Variants in HEMK2 observed in about 807,000 individuals in gnomAD.
HEMK2 encodes the protein HemK methyltransferase 2, ETF1 glutamine and histone H4 lysine.
At chr21:28,607,119 ATTGT>A in the HEMK2 span, among the ~76,000 whole-genome samples, 1 of 152,106 alleles carries the variant, frequency 6.6e-6, no homozygotes, top group East Asian at 1.9e-4. Context: ...TGGTAAAAAC[ATTGT>A]TTGAGGGCCG....
chr21:28,866,434 G>GT, the HEMK2 span, among the ~76,000 whole-genome samples: 3 of 102,630 alleles, frequency 2.9e-5, no homozygotes, highest in Non-Finnish European at 4.1e-5. Context: ...TGGTAACAGA[G>GT]TGAGACTCCA....
the HEMK2 span, among the ~76,000 whole-genome samples, chr21:28,577,639 G>C: frequency 6.6e-5 from 10 of 151,972 alleles, no homozygotes; most frequent in Non-Finnish European, 1.2e-4. Context: ...ATAAAATGCA[G>C]GTTTCCCAGC....
At chr21:28,832,458 A>G in the HEMK2 span, among the ~76,000 whole-genome samples, 252 of 152,312 alleles carry the variant, frequency 1.7e-3, no homozygotes, top group Non-Finnish European at 3.0e-3. Context: ...AAAAATGTTG[A>G]AATACTTTAA....
chr21:28,648,868 T>C, the HEMK2 span, among the ~76,000 whole-genome samples: 1 of 152,116 alleles, frequency 6.6e-6, no homozygotes, highest in Non-Finnish European at 1.5e-5. Context: ...ATGTGCCATG[T>C]TGGTGTGCTG....
the HEMK2 span, among the ~76,000 whole-genome samples, chr21:28,869,125 T>A: frequency 6.6e-6 from 1 of 152,230 alleles, no homozygotes; most frequent in Non-Finnish European, 1.5e-5. Flanking sequence ...GTTTTTTGTA[T>A]ACAGACCATG....
the HEMK2 span, among the ~76,000 whole-genome samples, chr21:28,749,496 T>C: frequency 2.0e-5 from 3 of 152,150 alleles, no homozygotes; most frequent in African/African-American, 4.8e-5. Flanking sequence ...AGTATAAACT[T>C]GTTTTCTGCC....
chr21:28,746,449 G>C, the HEMK2 span, among the ~76,000 whole-genome samples: 2 of 152,200 alleles, frequency 1.3e-5, no homozygotes, highest in Non-Finnish European at 1.5e-5. Flanking sequence ...AGAATGCAGA[G>C]ATCAGTAGGA....
the HEMK2 span, among the ~76,000 whole-genome samples, chr21:28,622,463 GA>G: frequency 6.6e-6 from 1 of 152,106 alleles, no homozygotes; most frequent in South Asian, 2.1e-4. Context: ...TTTCTTCACA[GA>G]ATTAGAAGAA....
chr21:28,648,541 T>C, the HEMK2 span, among the ~76,000 whole-genome samples: 5 of 152,142 alleles, frequency 3.3e-5, no homozygotes, highest in African/African-American at 1.2e-4. Flanking sequence ...CAGGTAAGGT[T>C]TGTTAAATGA....
the HEMK2 span, among the ~76,000 whole-genome samples, chr21:28,649,533 G>T: frequency 6.6e-6 from 1 of 152,168 alleles, no homozygotes; most frequent in Non-Finnish European, 1.5e-5. Flanking sequence ...ATTCTAGTTC[G>T]GGAGGCAGAA....
chr21:28,661,508 G>A, the HEMK2 span, among the ~76,000 whole-genome samples: 5,570 of 151,908 alleles, frequency 0.037, 152 homozygotes, highest in Non-Finnish European at 0.059. Flanking sequence ...AAAGTGCTAG[G>A]TTTTGCTGTC....
the HEMK2 span, among the ~76,000 whole-genome samples, chr21:28,846,747 T>C: frequency 2.0e-5 from 3 of 152,076 alleles, no homozygotes; most frequent in Non-Finnish European, 2.9e-5. Context: ...GTGATAAGCA[T>C]AGTATCTGAT....
the HEMK2 span, among the ~76,000 whole-genome samples, chr21:28,628,398 A>C: frequency 6.6e-6 from 1 of 152,312 alleles, no homozygotes; most frequent in Admixed American, 6.5e-5. Flanking sequence ...AAATAAGGCC[A>C]ACTTTAGTTT....
chr21:28,623,880 T>A, the HEMK2 span, among the ~76,000 whole-genome samples: 1 of 152,110 alleles, frequency 6.6e-6, no homozygotes, highest in South Asian at 2.1e-4. Flanking sequence ...AAATACCTAA[T>A]GTATATGACG....
the HEMK2 span, among the ~76,000 whole-genome samples, chr21:28,613,987 A>T: frequency 6.6e-6 from 1 of 152,188 alleles, no homozygotes; most frequent in African/African-American, 2.4e-5. Flanking sequence ...TCACTGTGGG[A>T]ATATTTTCTA....
chr21:28,662,248 C>T, the HEMK2 span, among the ~76,000 whole-genome samples: 1 of 152,144 alleles, frequency 6.6e-6, no homozygotes, highest in African/African-American at 2.4e-5. Flanking sequence ...CAGCTTGTCA[C>T]ATCCTGAAAG....
the HEMK2 span, among the ~76,000 whole-genome samples, chr21:28,609,498 C>G: frequency 6.8e-6 from 1 of 147,606 alleles, no homozygotes; most frequent in Non-Finnish European, 1.5e-5. Flanking sequence ...GGTTATTTAA[C>G]ATCCCCAAAA....
At chr21:28,640,762 C>T in the HEMK2 span, among the ~76,000 whole-genome samples, 3 of 152,180 alleles carry the variant, frequency 2.0e-5, no homozygotes, top group African/African-American at 7.2e-5. Context: ...GCCCAGCTGC[C>T]TTCTGGTTTA....
chr21:28,866,002 A>G, the HEMK2 span, among the ~76,000 whole-genome samples: 3 of 151,682 alleles, frequency 2.0e-5, no homozygotes, highest in East Asian at 1.9e-4. Flanking sequence ...TTATTGGCCA[A>G]TAAGAATAGT....
Sources: gnomAD v4.1 joint callset for allele counts (sites outside exome capture counted in the v4.1 genomes callset) on GRCh38, gnomAD v4.1.1 for gene constraint, MANE v1.5 for transcripts, NCBI Gene and HGNC (gene_info 2026-07-23, HGNC 2026-07-21) for gene names.